ATP13A2: variants seen among roughly 807,000 people sequenced by gnomAD.
The protein encoded by ATP13A2 is polyamine-transporting ATPase 13A2.
ATP13A2 carries 83 observed loss-of-function variants against 138.3 expected under a neutral mutation model. The observed-to-expected ratio is 0.60, with a 90% CI of 0.50 to 0.72. The LOEUF is 0.72. ATP13A2 is among the 30% of genes least tolerant of loss of function. The probability of loss-of-function intolerance (pLI) is 0.00; values close to 1 mark genes in which losing one functional copy is unlikely to be tolerated. For missense variants in ATP13A2, 1,402 were observed against 1,606.4 expected, an observed-to-expected ratio of 0.87 and a Z score of 2.17; for synonymous variants, 663 against 699.0, an observed-to-expected ratio of 0.95 and a Z score of 0.81.
chr1:16,992,564 C>T lies in ATP13A2; in HGVS notation c.1767G>A (p.Pro589=), dbSNP rs752208167. The change falls in exon 17 of 29, where the codon CCG becomes CCA. Residue 589 remains proline, a synonymous_variant. Coordinates refer to ENST00000326735, the MANE Select transcript of ATP13A2 (RefSeq NM_022089.4). ...ESTGWVLEEE[P]AADSAFGTQV... ...GGGTCCCAAATGCTGAGTCTGCAGCCGGCTCTTCCTCCAGGACCTGGCAGG... is the reference window on the plus strand; with the variant it reads ...GGGTCCCAAATGCTGAGTCTGCAGCTGGCTCTTCCTCCAGGACCTGGCAGG... The T allele has an allele frequency of 6.2e-5, 100 of 1,614,058 alleles. No individual in the cohort carries two copies. The Admixed American group carries it at 1.3e-3, about 20-fold the overall frequency.
chr1:16,987,325 T>C, intron 25 of ATP13A2, 56 bp from the exon 26 acceptor site: 1 of 1,538,706 alleles, frequency 6.5e-7, no homozygotes, highest in Non-Finnish European at 8.9e-7. Flanking sequence ...TGGCAGCCCC[T>C]AGTCTGATAG....
chr1:16,997,931 A>C (rs1455756937), intron 11 of ATP13A2, among the ~76,000 whole-genome samples: 3 of 151,828 alleles, frequency 2.0e-5, no homozygotes, highest in African/African-American at 7.3e-5. Context: ...GGAGGGGGCA[A>C]ATATTTCCAT....
At chr1:16,994,593 AC>A (rs1336840663) in intron 15 of ATP13A2, among the ~76,000 whole-genome samples, 3 of 152,090 alleles carry the variant, frequency 2.0e-5, no homozygotes, top group Non-Finnish European at 4.4e-5. Context: ...CTAGACTCTA[AC>A]TGCCCAAGTA....
At chr1:17,000,665 T>C (rs1251526967) in intron 8 of ATP13A2, 131 bp from the exon 9 acceptor site, 12 of 1,229,898 alleles carry the variant, frequency 9.8e-6, no homozygotes, top group Non-Finnish European at 1.3e-5. Flanking sequence ...GCCTTTCTCC[T>C]GGTCAATCCC....
chr1:17,005,118 C>G (rs1261494848), intron 3 of ATP13A2, 46 bp from the exon 4 acceptor site: 11 of 1,609,320 alleles, frequency 6.8e-6, no homozygotes, highest in African/African-American at 4.0e-5. Flanking sequence ...GTCCCCTCCC[C>G]TCCCAGGCCC....
Position 16,996,368 on chromosome 1 carries a change from G to C in ATP13A2, c.1306+18C>G, listed in dbSNP as rs757167820. 1 of 1,613,716 alleles carries C rather than the reference G, an allele frequency of 6.2e-7. No individual in the cohort carries two copies. Among genetic ancestry groups the C allele is most frequent in the East Asian group, 2.2e-5 (1 of 44,874 alleles). ...TGGGGGGGGCTATGGGCAGAGGAGG[G>C]TGCAGGGGGCCACTCACCCAGGACA... On this transcript the variant is annotated intron_variant, in intron 13 of 28. Coordinates refer to ENST00000326735, the MANE Select transcript of ATP13A2 (RefSeq NM_022089.4).
intron 10 of ATP13A2, 52 bp from the exon 11 acceptor site, chr1:17,000,194 G>GGGGGCCCCC: frequency 2.5e-6 from 4 of 1,570,244 alleles, no homozygotes; most frequent in Non-Finnish European, 3.5e-6. Flanking sequence ...CCCCAGCCAT[G>GGGGGCCCCC]CCCCCCCACC....
chr1:17,002,671 A>G (rs1411929690), intron 6 of ATP13A2, among the ~76,000 whole-genome samples: 1 of 152,100 alleles, frequency 6.6e-6, no homozygotes, highest in Non-Finnish European at 1.5e-5. Flanking sequence ...CACTGATGAT[A>G]CCCTGGGCAA....
chr1:17,002,251 A>C (rs754206844), intron 7 of ATP13A2, 45 bp downstream of exon 7: 2 of 1,599,920 alleles, frequency 1.3e-6, no homozygotes, highest in South Asian at 2.2e-5. Context: ...GGGCAACACA[A>C]GGAGCCCCAG....
At chr1:17,007,769 T>A (rs1024987900) in intron 1 of ATP13A2, among the ~76,000 whole-genome samples, 20 of 152,180 alleles carry the variant, frequency 1.3e-4, no homozygotes, top group African/African-American at 4.8e-4. Flanking sequence ...GCCAGGATGG[T>A]CTCGATCTCC....
chr1:16,986,993 G>A lies in ATP13A2; in HGVS notation c.3084-37C>T. The A allele has an allele frequency of 6.2e-7, 1 of 1,613,214 alleles. No homozygotes were observed. The highest frequency in any genetic ancestry group is 1.1e-5 in the South Asian group (1 of 91,044). On this transcript the variant is annotated intron_variant, in intron 26 of 28. Coordinates refer to ENST00000326735, the MANE Select transcript of ATP13A2 (RefSeq NM_022089.4). This position sits in a 1 kb window ranked among gnomAD's most constrained non-coding sequence, Gnocchi z 6.9. ...GGGATGGGGGTCAGGGAACGAACGTGGGGTGGACAGGGAAGGGGCGGGATG... is the reference window on the plus strand; with the variant it reads ...GGGATGGGGGTCAGGGAACGAACGTAGGGTGGACAGGGAAGGGGCGGGATG...
chr1:16,986,249 G>A lies in ATP13A2; in HGVS notation c.3515C>T (p.Pro1172Leu), dbSNP rs751400140. The change falls in exon 29 of 29, where the codon CCG becomes CTG. Residue 1172 changes from proline (P) to leucine (L), a missense_variant. By Grantham distance (98) the Pro-to-Leu change is moderately conservative. Coordinates refer to ENST00000326735, the MANE Select transcript of ATP13A2 (RefSeq NM_022089.4). The surrounding 1 kb of genome is among the most constrained non-coding windows in gnomAD (Gnocchi z 6.9). ...CCTCAGGGGGCCGGCGGGCAGCGGC[G>A]GCCAGGGCTGCTCGGCCAGCTCTCG... Reference protein sequence around the residue: ...LERELAEQPWPPLPAGPLR With the variant: ...LERELAEQPWLPLPAGPLR 8 of 1,609,074 alleles carry A rather than the reference G, an allele frequency of 5.0e-6. No individual in the cohort carries two copies. In the Middle Eastern group the frequency reaches 5.1e-4, roughly 102 times the overall value.
At position 16,987,147 on chromosome 1, in the gene ATP13A2, C is replaced by T; in HGVS notation, c.2982G>A (p.Gly994=). 6.2e-7 allele frequency: 1 copy of T among 1,613,044 alleles called. No homozygotes were observed. Among genetic ancestry groups the T allele is most frequent in the South Asian group, 1.1e-5 (1 of 91,044 alleles). The part of the protein sequence containing the change: ...ALVLGRVRPP[G]ALLSVPVLSS... ...TGAGCACGGGCACGCTGAGCAGCGC[C>T]CCCGGTGGCCGCACCCGTCCCAGGA... The change falls in exon 26 of 29, where the codon GGG becomes GGA. Residue 994 remains glycine, a synonymous_variant. Coordinates refer to ENST00000326735, the MANE Select transcript of ATP13A2 (RefSeq NM_022089.4).
Position 17,005,554 on chromosome 1 carries a change from C to T in ATP13A2, c.108G>A (p.Arg36=). 1 of 1,614,238 alleles carries T rather than the reference C, an allele frequency of 6.2e-7. No homozygotes were observed. Among genetic ancestry groups the T allele is most frequent in the Non-Finnish European group, 8.5e-7 (1 of 1,180,054 alleles). The change falls in exon 3 of 29, where the codon AGG becomes AGA. Residue 36 remains arginine (R), a splice_region_variant and synonymous_variant. Transcript: ENST00000326735. ...ATGGACTGCCACAGTAGCCGCTGAG[C>T]CTCTGCGAACGCAGCGAGAGAGGGC... The part of the protein sequence containing the change: ...DPLSSSVSSV[R]LSGYCGSPWR...
chr1:16,999,657 C>G (rs1487454829), intron 11 of ATP13A2, among the ~76,000 whole-genome samples: 1 of 152,062 alleles, frequency 6.6e-6, no homozygotes, highest in Non-Finnish European at 1.5e-5. Flanking sequence ...ATCCCAGCAC[C>G]TTGGGAGGCC....
At chr1:16,997,414 C>CG (rs1379881479) in intron 11 of ATP13A2, among the ~76,000 whole-genome samples, 1,086 of 56,164 alleles carry the variant, frequency 0.019, 93 homozygotes, top group African/African-American at 0.052. Flanking sequence ...CTGGAACCAG[C>CG]GGGGGGGGGT....
chr1:17,005,514 A>G lies in ATP13A2; in HGVS notation c.148T>C (p.Tyr50His), dbSNP rs2101123287. ...GCCATCATCCAGACCACGACGTGAT[A>G]GCCGATGACCCTCCATGGACTGCCA... ...YCGSPWRVIG[Y>H]HVVVWMMAGI... Residue 50 changes from tyrosine to histidine, a missense_variant, in exon 3 of 29, where the codon TAT becomes CAT. Transcript: ENST00000326735. 2 of 1,614,252 alleles carry G rather than the reference A, an allele frequency of 1.2e-6. No homozygotes were observed. Among genetic ancestry groups the G allele is most frequent in the Non-Finnish European group, 1.7e-6 (2 of 1,180,048 alleles).
Position 16,986,935 on chromosome 1 carries a change from T to C in ATP13A2, c.3105A>G (p.Thr1035=). 1 of 1,612,942 alleles carries C rather than the reference T, an allele frequency of 6.2e-7. No individual in the cohort carries two copies. Among genetic ancestry groups the C allele is most frequent in the East Asian group, 2.2e-5 (1 of 44,796 alleles). The stretch of plus-strand genomic sequence containing the variant: ...TGGGCAGGTTGTCTGGTGCGGCCAC[T>C]GTCCTGTTCAGAGGCACGAACCTGG... ...AQPWFVPLNR[T]VAAPDNLPNY... is the part of the protein sequence containing the mutation. Residue 1035 remains threonine, a synonymous_variant, in exon 27 of 29, where the codon ACA becomes ACG. Transcript: ENST00000326735. The surrounding 1 kb of genome is among the most constrained non-coding windows in gnomAD (Gnocchi z 6.9).
intron 1 of ATP13A2, among the ~76,000 whole-genome samples, chr1:17,006,571 C>A (rs868743745): frequency 6.6e-6 from 1 of 152,000 alleles, no homozygotes; most frequent in South Asian, 2.1e-4. Context: ...TGTTTCCTTG[C>A]GTGTGTCGGT....
Sources: gnomAD v4.1 joint callset for allele counts (sites outside exome capture counted in the v4.1 genomes callset) on GRCh38, gnomAD v4.1.1 for gene constraint, Gnocchi (gnomAD v3.1) non-coding constraint, MANE v1.5 for transcripts, NCBI Gene and HGNC (gene_info 2026-07-23, HGNC 2026-07-21) for gene names.